The following PCBP3 variants were observed in gnomAD, a reference collection of about 807,000 sequenced individuals.
PCBP3 encodes poly(rC)-binding protein 3.
PCBP3 carries 25 observed loss-of-function variants against 52.7 expected under a neutral mutation model. The ratio of observed to expected loss-of-function variants is 0.47; its 90% CI spans 0.35 to 0.66. PCBP3 has a LOEUF of 0.66. Among genes scored for constraint, PCBP3 ranks in the 30% least tolerant of loss-of-function variants. The pLI, the probability that PCBP3 is intolerant of heterozygous loss-of-function variation, is 0.01. For missense variants in PCBP3, 391 were observed against 490.3 expected, an observed-to-expected ratio of 0.80 and a Z score of 1.91; for synonymous variants, 162 against 183.0, an observed-to-expected ratio of 0.89 and a Z score of 0.93.
At chr21:45,804,173 C>T (rs956000850) in intron 4 of PCBP3, among the ~76,000 whole-genome samples, 3 of 151,106 alleles carry the variant, frequency 2.0e-5, no homozygotes, top group African/African-American at 7.4e-5. Context: ...ATTGCTGTTT[C>T]GCTTGGCACC....
intron 13 of PCBP3, among the ~76,000 whole-genome samples, chr21:45,925,920 G>A (rs1388639699): frequency 6.6e-6 from 1 of 152,200 alleles, no homozygotes; most frequent in African/African-American, 2.4e-5. Context: ...GTGTGAAGAA[G>A]GCATCAACAG....
intron 2 of PCBP3, among the ~76,000 whole-genome samples, chr21:45,685,915 CTTTTT>C (rs1168054154): frequency 8.0e-6 from 1 of 125,458 alleles, no homozygotes; most frequent in African/African-American, 3.0e-5. Flanking sequence ...GTAAGATGAA[CTTTTT>C]TTTTTTTTTT....
At chr21:45,661,048 A>G (rs1406253964) in intron 1 of PCBP3, among the ~76,000 whole-genome samples, 1 of 150,984 alleles carries the variant, frequency 6.6e-6, no homozygotes, top group African/African-American at 2.5e-5. Context: ...CTCAAAAAAA[A>G]TATATATATA....
chr21:45,926,076 G>A (rs2075364882), intron 13 of PCBP3, among the ~76,000 whole-genome samples: 1 of 152,138 alleles, frequency 6.6e-6, no homozygotes. Context: ...GAATCGTATC[G>A]ACCACACTCT....
intron 3 of PCBP3, among the ~76,000 whole-genome samples, chr21:45,751,769 A>G (rs1190986875): frequency 1.3e-5 from 2 of 152,190 alleles, no homozygotes; most frequent in African/African-American, 2.4e-5. Context: ...ACCGCCCTCC[A>G]TGACCACCAC....
intron 4 of PCBP3, among the ~76,000 whole-genome samples, chr21:45,775,591 A>G (rs572238531): frequency 6.6e-6 from 1 of 152,016 alleles, no homozygotes; most frequent in East Asian, 1.9e-4. Flanking sequence ...TAACTTTTTA[A>G]ATTTTTCTTT....
intron 15 of PCBP3, 66 bp from the exon 16 acceptor site, chr21:45,935,187 C>A: frequency 9.0e-7 from 1 of 1,105,510 alleles, no homozygotes; most frequent in Non-Finnish European, 1.4e-6. Context: ...GAGTGAGGGA[C>A]AGGCACTGGA....
rs537934166 is a variant in PCBP3, at chr21:45,914,341, C to T, written c.675+316C>T. 7.8e-5 allele frequency: 40 copies of T among 514,682 alleles called. No individual in the cohort carries two copies. In the East Asian group the frequency reaches 9.4e-4, roughly 12 times the overall value. 31.9% of individuals were successfully genotyped at this position (514,682 alleles called of 1,614,324 possible). A position where few individuals can be genotyped will look rare whatever the true frequency, so the allele number is the denominator to read the frequency against. On this transcript the variant is annotated intron_variant, in intron 12 of 17. Coordinates refer to ENST00000681687, the MANE Select transcript of PCBP3 (RefSeq NM_001384156.1). The stretch of plus-strand genomic sequence containing the variant: ...GAAGCTTAGATAGCCGGCGCGCAGG[C>T]GCTTTCTAGGTGATTTTACGTCTCA...
chr21:45,818,356 T>C lies in PCBP3; in HGVS notation c.-125-31605T>C, dbSNP rs544491339. On this transcript the variant is annotated intron_variant, in intron 4 of 17. Transcript: ENST00000681687. ...TATTCACGGATGGTCATAGTTTGCA[T>C]TGGGGCTCACTGTGTTGAACACAGG... is the stretch of plus-strand genomic sequence containing the variant. Among the ~76,000 whole-genome samples the C allele has an allele frequency of 3.9e-5, 6 of 152,278 alleles. No individual in the cohort carries two copies. The South Asian group carries it at 6.2e-4, about 16-fold the overall frequency.
chr21:45,792,965 C>T (rs1294036130), intron 4 of PCBP3, among the ~76,000 whole-genome samples: 1 of 152,208 alleles, frequency 6.6e-6, no homozygotes, highest in Non-Finnish European at 1.5e-5. Flanking sequence ...CAAAGACACC[C>T]CTCCTTCTCC....
chr21:45,774,188 A>G (rs747906232), intron 4 of PCBP3, among the ~76,000 whole-genome samples: 2 of 152,010 alleles, frequency 1.3e-5, no homozygotes, highest in Non-Finnish European at 2.9e-5. Flanking sequence ...GCAGATCACA[A>G]GGTCAAGAGA....
At chr21:45,762,486 C>CTT (rs1401689005) in intron 4 of PCBP3, 3 of 95,260 alleles carry the variant, frequency 3.1e-5, no homozygotes, top group Non-Finnish European at 4.6e-5. Flanking sequence ...CTTTTCTTTT[C>CTT]TTCTCTTTTT....
chr21:45,687,034 T>C (rs2082194461), intron 2 of PCBP3, among the ~76,000 whole-genome samples: 1 of 152,172 alleles, frequency 6.6e-6, no homozygotes, highest in African/African-American at 2.4e-5. Flanking sequence ...AATTTGAAGA[T>C]GCTTAATAAA....
At chr21:45,940,230 G>A (rs146433267) in intron 17 of PCBP3, 31 bp downstream of exon 17, 27 of 1,580,726 alleles carry the variant, frequency 1.7e-5, no homozygotes, top group Admixed American at 5.3e-5. Context: ...TCTGAGAGAC[G>A]CCCGGAAAGG....
At chr21:45,900,717 C>G (rs2096011207) in intron 8 of PCBP3, 94 bp downstream of exon 8, 1 of 1,009,716 alleles carries the variant, frequency 9.9e-7, no homozygotes, top group East Asian at 2.4e-5. Flanking sequence ...TGCCTGTGCT[C>G]TTGGCCAGCC....
intron 13 of PCBP3, among the ~76,000 whole-genome samples, chr21:45,922,879 G>A (rs538429259): frequency 9.2e-5 from 14 of 152,378 alleles, no homozygotes; most frequent in African/African-American, 2.9e-4. Flanking sequence ...GGACGTGAGT[G>A]GCAGATGTGC....
chr21:45,866,242 C>A (rs1266088379), intron 5 of PCBP3, among the ~76,000 whole-genome samples: 1 of 152,224 alleles, frequency 6.6e-6, no homozygotes, highest in African/African-American at 2.4e-5. Flanking sequence ...AGTGTCCACA[C>A]CTTGCACCCA....
In PCBP3 at chr21:45,788,432, G is replaced by A. The variant is rs947148636; in HGVS notation, c.-126+32980G>A. The A allele has an allele frequency of 6.5e-6, 1 of 153,594 alleles. No homozygotes were observed. The highest frequency in any genetic ancestry group is 1.4e-5 in the Non-Finnish European group (1 of 69,232). The allele number at this position is 153,594 out of a possible 1,614,324, so 9.5% of individuals were successfully genotyped here. On this transcript the variant is annotated intron_variant, in intron 4 of 17. Transcript: ENST00000681687. The surrounding 1 kb of genome is among the most constrained non-coding windows in gnomAD (Gnocchi z 4.3). ...GCCTGCCCGGCCCCGTTCTGTTCCA[G>A]ATGATGGCTCACCTGTGACCCTGCC...
chr21:45,851,346 C>G (rs4818803), intron 5 of PCBP3, among the ~76,000 whole-genome samples: 21,072 of 152,176 alleles, frequency 0.14, 1,622 homozygotes, highest in Middle Eastern at 0.28. Flanking sequence ...AACCCTGTCT[C>G]TACTAAAATA....
Sources: allele counts gnomAD v4.1 joint callset (sites outside exome capture counted in the v4.1 genomes callset), GRCh38; gene constraint gnomAD v4.1.1; non-coding constraint Gnocchi (gnomAD v3.1); transcripts MANE v1.5; gene names NCBI Gene and HGNC (gene_info 2026-07-23, HGNC 2026-07-21).